Variants in FAM53B observed in about 807,000 individuals in gnomAD.
FAM53B encodes the protein family with sequence similarity 53 member B.
A neutral mutation model predicts 32.7 loss-of-function variants in FAM53B; 12 were observed. The ratio of observed to expected loss-of-function variants is 0.37; its 90% CI spans 0.24 to 0.59. FAM53B has a LOEUF of 0.59. Among genes scored for constraint, FAM53B ranks in the 20% least tolerant of loss-of-function variants. The pLI, the probability that FAM53B is intolerant of heterozygous loss-of-function variation, is 0.72. For synonymous variants in FAM53B, 234 were observed against 228.7 expected (o/e 1.02, Z -0.21); for missense variants, 477 against 577.7 (o/e 0.83, Z 1.79).
chr10:124,657,072 G>GTA (rs60087095), intron 4 of FAM53B, among the ~76,000 whole-genome samples: 3 of 139,278 alleles, frequency 2.2e-5, no homozygotes, highest in African/African-American at 5.2e-5. Flanking sequence ...ATATATATAT[G>GTA]TATATATATG....
chr10:124,664,493 G>C (rs997636850), intron 4 of FAM53B, among the ~76,000 whole-genome samples: 4 of 152,330 alleles, frequency 2.6e-5, no homozygotes, highest in South Asian at 2.1e-4. Context: ...ATCACAATCT[G>C]CCTTTCTACC....
At position 124,693,290 on chromosome 10, in the gene FAM53B, T is replaced by C. The variant is rs190969651; in HGVS notation, c.133+2868A>G. On this transcript the variant is annotated intron_variant, in intron 3 of 4. Coordinates refer to ENST00000337318, the MANE Select transcript of FAM53B (RefSeq NM_014661.4). The stretch of plus-strand genomic sequence containing the variant: ...ATCAAGACCATCCTGGCCAACATGG[T>C]GAAACCCCGTCTCTACTAAAAATAC... 4.2e-3 allele frequency among the ~76,000 whole-genome samples: 636 copies of C among 151,928 alleles called. 3 individuals carry two copies. The highest frequency in any genetic ancestry group is 7.6e-3 in the East Asian group (39 of 5,164).
intron 4 of FAM53B, among the ~76,000 whole-genome samples, chr10:124,665,588 T>C (rs924404773): frequency 1.3e-5 from 2 of 152,238 alleles, no homozygotes; most frequent in Admixed American, 6.5e-5. Context: ...GTGTCCATCA[T>C]CTTATTTCGT....
At chr10:124,645,648 G>A (rs1949507746) in intron 4 of FAM53B, among the ~76,000 whole-genome samples, 1 of 152,196 alleles carries the variant, frequency 6.6e-6, no homozygotes, top group Admixed American at 6.5e-5. Flanking sequence ...GGAAAGCAGC[G>A]ACGCACACTG....
chr10:124,706,852 G>C lies in FAM53B; in HGVS notation c.-139C>G. On this transcript the variant is annotated 5_prime_UTR_variant, in exon 2 of 5. Coordinates refer to ENST00000337318, the MANE Select transcript of FAM53B (RefSeq NM_014661.4). ...CATTGGCCACTCACCCTTGGGGTGG[G>C]GCCCTTCTGGGAAATGGCCAAATGT... 2 of 1,495,086 alleles carry C rather than the reference G, an allele frequency of 1.3e-6. No homozygotes were observed. The highest frequency in any genetic ancestry group is 2.2e-5 in the Admixed American group (1 of 44,980). The allele number at this position is 1,495,086 out of a possible 1,614,324, so 92.6% of individuals were successfully genotyped here. A position where few individuals can be genotyped will look rare whatever the true frequency, so the allele number is the denominator to read the frequency against.
intron 4 of FAM53B, among the ~76,000 whole-genome samples, chr10:124,650,193 T>G (rs1045382147): frequency 6.6e-6 from 1 of 152,218 alleles, no homozygotes; most frequent in Non-Finnish European, 1.5e-5. Context: ...GGCTGTGCCC[T>G]GCTCCCAGAG....
intron 4 of FAM53B, among the ~76,000 whole-genome samples, chr10:124,666,652 C>T (rs962907096): frequency 1.3e-5 from 2 of 152,240 alleles, no homozygotes; most frequent in African/African-American, 2.4e-5. Context: ...CCCATCTCCC[C>T]AGCCCTGCCC....
chr10:124,626,048 T>C (rs1949346708), intron 4 of FAM53B, among the ~76,000 whole-genome samples: 1 of 152,256 alleles, frequency 6.6e-6, no homozygotes, highest in Non-Finnish European at 1.5e-5. Flanking sequence ...GACAGGGCAC[T>C]GAGGCCGACT....
Position 124,621,049 on chromosome 10 carries a change from G to A in FAM53B, c.*2193C>T, listed in dbSNP as rs11555451. On this transcript the variant is annotated 3_prime_UTR_variant, in exon 5 of 5. Transcript: ENST00000337318. The stretch of plus-strand genomic sequence containing the variant: ...CAGGTCACCCACACCCCAGTCCCAC[G>A]ACATATACCTGTCACCATGTGCCTC... 11,890 of 152,208 alleles carry A rather than the reference G, an allele frequency of 0.078. 582 individuals carry two copies. The highest frequency in any genetic ancestry group is 0.22 in the East Asian group (1,112 of 5,130). 9.4% of individuals were successfully genotyped at this position (152,208 alleles called of 1,614,324 possible). A position where few individuals can be genotyped will look rare whatever the true frequency, so the allele number is the denominator to read the frequency against.
chr10:124,668,931 G>A (rs549798679), intron 4 of FAM53B, among the ~76,000 whole-genome samples: 1 of 152,378 alleles, frequency 6.6e-6, no homozygotes, highest in Non-Finnish European at 1.5e-5. Context: ...ATGTGCCAAA[G>A]GCGCCTCTCA....
At chr10:124,724,849 A>G (rs944941647) in intron 1 of FAM53B, among the ~76,000 whole-genome samples, 2 of 152,156 alleles carry the variant, frequency 1.3e-5, no homozygotes, top group South Asian at 2.1e-4. Context: ...CGAGTTACAA[A>G]TATGTGATCA....
intron 1 of FAM53B, among the ~76,000 whole-genome samples, chr10:124,730,864 T>C (rs1234460769): frequency 2.6e-5 from 4 of 152,212 alleles, no homozygotes; most frequent in Non-Finnish European, 5.9e-5. Context: ...TTTTTTTCTG[T>C]AAAGGGCCAG....
At chr10:124,634,368 G>A (rs936527240) in intron 4 of FAM53B, among the ~76,000 whole-genome samples, 12 of 152,190 alleles carry the variant, frequency 7.9e-5, no homozygotes, top group African/African-American at 2.7e-4. Context: ...CCACTGATAC[G>A]GTTTGGCTGT....
Position 124,623,532 on chromosome 10 carries a change from C to T in FAM53B, c.979G>A (p.Ala327Thr), listed in dbSNP as rs201134326. The T allele has an allele frequency of 9.7e-6, 15 of 1,548,878 alleles. No homozygotes were observed. The highest frequency in any genetic ancestry group is 2.4e-5 in the East Asian group (1 of 41,374). Residue 327 changes from alanine (A) to threonine (T), a missense_variant, in exon 5 of 5, where the codon GCC (alanine) becomes ACC (threonine). Ala to Thr is a moderately conservative substitution (Grantham distance 58). Coordinates refer to ENST00000337318, the MANE Select transcript of FAM53B (RefSeq NM_014661.4). The part of the protein sequence containing the change: ...TEDCGPQSPF[A>T]RHVSNTRAWT... The stretch of plus-strand genomic sequence containing the variant: ...GCCCTGGTGTTGCTGACGTGGCGGG[C>T]GAAGGGGCTCTGGGGACCGCAGTCC...
At chr10:124,625,416 G>C (rs1054413807) in intron 4 of FAM53B, among the ~76,000 whole-genome samples, 3 of 152,180 alleles carry the variant, frequency 2.0e-5, no homozygotes, top group African/African-American at 7.2e-5. Flanking sequence ...GGAGCCACAG[G>C]TCCACCCTCT....
At chr10:124,708,158 TCAGAAA>T (rs1468988716) in intron 1 of FAM53B, among the ~76,000 whole-genome samples, 1 of 152,226 alleles carries the variant, frequency 6.6e-6, no homozygotes, top group East Asian at 1.9e-4. Flanking sequence ...CAATCTGTAA[TCAGAAA>T]CAAACTGCTC....
At chr10:124,688,783 T>A (rs1268061411) in intron 3 of FAM53B, among the ~76,000 whole-genome samples, 1 of 152,214 alleles carries the variant, frequency 6.6e-6, no homozygotes, top group Non-Finnish European at 1.5e-5. Flanking sequence ...GAATGGCATT[T>A]GACCTCAAAT....
At chr10:124,691,768 C>T (rs974393989) in intron 3 of FAM53B, among the ~76,000 whole-genome samples, 6 of 152,208 alleles carry the variant, frequency 3.9e-5, no homozygotes, top group African/African-American at 1.2e-4. Context: ...AACTAGTACA[C>T]GTGTGACCCT....
At chr10:124,732,642 T>C (rs976602233) in intron 1 of FAM53B, among the ~76,000 whole-genome samples, 1 of 152,170 alleles carries the variant, frequency 6.6e-6, no homozygotes, top group African/African-American at 2.4e-5. Flanking sequence ...GGGCATCACC[T>C]GAGGTCCGGA....
Sources: allele counts gnomAD v4.1 joint callset (sites outside exome capture counted in the v4.1 genomes callset), GRCh38; gene constraint gnomAD v4.1.1; transcripts MANE v1.5; gene names NCBI Gene and HGNC (gene_info 2026-07-23, HGNC 2026-07-21).